Variants in MEI4 observed in about 807,000 individuals in gnomAD.
MEI4 encodes meiotic double-stranded break formation protein 4, also known as meiosis-specific protein MEI4.
MEI4 carries 27 observed loss-of-function variants against 31.4 expected under a neutral mutation model. The observed-to-expected ratio is 0.86, with a 90% CI of 0.63 to 1.19. MEI4 has a LOEUF of 1.19. Among genes scored for constraint, MEI4 ranks in the 50% most tolerant of loss-of-function variants. The probability of loss-of-function intolerance (pLI) is 0.00; values close to 1 mark genes in which losing one functional copy is unlikely to be tolerated. For missense variants in MEI4, 329 were observed against 398.9 expected, an observed-to-expected ratio of 0.82 and a Z score of 1.49; for synonymous variants, 122 against 145.4, an observed-to-expected ratio of 0.84 and a Z score of 1.16.
At chr6:77,735,858 G>C (rs551760117) in intron 2 of MEI4, among the ~76,000 whole-genome samples, 26 of 152,108 alleles carry the variant, frequency 1.7e-4, no homozygotes, top group African/African-American at 5.8e-4. Flanking sequence ...TAACAGACAG[G>C]ACCCTCAGCT....
intron 4 of MEI4, among the ~76,000 whole-genome samples, chr6:77,841,684 C>T (rs1314647175): frequency 6.6e-6 from 1 of 151,444 alleles, no homozygotes. Context: ...ATAATAAAGA[C>T]CTTTAACAAA....
intron 2 of MEI4, among the ~76,000 whole-genome samples, chr6:77,751,869 A>C (rs1188353655): frequency 6.6e-6 from 1 of 152,188 alleles, no homozygotes; most frequent in Non-Finnish European, 1.5e-5. Flanking sequence ...AATCCTCAAT[A>C]AAATACTGGC....
intron 1 of MEI4, among the ~76,000 whole-genome samples, chr6:77,670,096 G>A (rs1161852446): frequency 1.3e-5 from 2 of 152,076 alleles, no homozygotes; most frequent in African/African-American, 4.8e-5. Context: ...CCCTTTCATT[G>A]TTGGACAGCT....
chr6:77,909,131 A>C (rs1766370371), intron 4 of MEI4, among the ~76,000 whole-genome samples: 1 of 152,154 alleles, frequency 6.6e-6, no homozygotes, highest in South Asian at 2.1e-4. Context: ...AATGTAAAAG[A>C]ACAGAAATTA....
chr6:77,855,320 G>A (rs1205391903), intron 4 of MEI4, among the ~76,000 whole-genome samples: 6 of 152,028 alleles, frequency 3.9e-5, no homozygotes, highest in Admixed American at 3.9e-4. Flanking sequence ...ACTCCAGCCG[G>A]GGCAACACAG....
rs541067360 is a variant in MEI4 at position 77,685,847 on chromosome 6, A to G, written c.-14-4811A>G. On this transcript the variant is annotated intron_variant, in intron 1 of 4. Coordinates refer to ENST00000684080, the MANE Select transcript of MEI4 (RefSeq NM_001322247.2). ...GATAGTTTCCTGTCTTATATGTCTTATAATGTTTATTGTGACAGTTTGGGA... is the reference window on the plus strand; with the variant it reads ...GATAGTTTCCTGTCTTATATGTCTTGTAATGTTTATTGTGACAGTTTGGGA... Among the ~76,000 whole-genome samples the G allele has an allele frequency of 2.0e-5, 3 of 152,264 alleles. No homozygotes were observed. The East Asian group carries it at 5.8e-4, about 29-fold the overall frequency.
At position 77,857,702 on chromosome 6, in the gene MEI4, C is replaced by T. The variant is rs186411237; in HGVS notation, c.900+28640C>T. On this transcript the variant is annotated intron_variant, in intron 4 of 4. Transcript: ENST00000684080. Reference sequence around the variant, plus strand: ...TTTGTTAGGCTGAGTTGCATGAATTCCTTTAACAGAGTGTAGAATCAGAAT... The same window carrying T: ...TTTGTTAGGCTGAGTTGCATGAATTTCTTTAACAGAGTGTAGAATCAGAAT... Among the ~76,000 whole-genome samples, 680 of 152,258 alleles carry T rather than the reference C, an allele frequency of 4.5e-3. 6 individuals are homozygous for T. Among genetic ancestry groups the T allele is most frequent in the Middle Eastern group, 0.014 (4 of 294 alleles).
intron 4 of MEI4, among the ~76,000 whole-genome samples, chr6:77,885,267 C>T (rs1390165367): frequency 1.3e-5 from 2 of 151,770 alleles, no homozygotes; most frequent in African/African-American, 2.4e-5. Context: ...CTCACTGCAG[C>T]CTCAACCTTC....
intron 3 of MEI4, among the ~76,000 whole-genome samples, chr6:77,800,764 C>T (rs1582160031): frequency 6.6e-6 from 1 of 152,208 alleles, no homozygotes; most frequent in African/African-American, 2.4e-5. Context: ...TGGTTTTTTT[C>T]ATTGGTTCTG....
At chr6:77,917,869 T>C (rs1474344026) in intron 4 of MEI4, among the ~76,000 whole-genome samples, 3 of 148,020 alleles carry the variant, frequency 2.0e-5, no homozygotes, top group African/African-American at 2.5e-5. Flanking sequence ...TGGTAATGCC[T>C]AGGTTTTCTT....
intron 4 of MEI4, among the ~76,000 whole-genome samples, chr6:77,909,521 C>G (rs1036499344): frequency 5.9e-5 from 9 of 152,144 alleles, no homozygotes; most frequent in Non-Finnish European, 1.2e-4. Flanking sequence ...GAAGTTGAAT[C>G]TCTGAATAGA....
At chr6:77,751,487 C>A (rs565474357) in intron 2 of MEI4, among the ~76,000 whole-genome samples, 1 of 152,014 alleles carries the variant, frequency 6.6e-6, no homozygotes, top group East Asian at 1.9e-4. Context: ...GAATTTGCAA[C>A]CTCTATGCAA....
chr6:77,855,380 C>A (rs994179603), intron 4 of MEI4, among the ~76,000 whole-genome samples: 2 of 151,916 alleles, frequency 1.3e-5, no homozygotes, highest in Non-Finnish European at 2.9e-5. Flanking sequence ...TTAAACATTA[C>A]AAACCTCCCT....
chr6:77,878,191 A>C (rs1392609192), intron 4 of MEI4, among the ~76,000 whole-genome samples: 1 of 151,296 alleles, frequency 6.6e-6, no homozygotes, highest in East Asian at 1.9e-4. Flanking sequence ...TTCTATTTGG[A>C]TCAGATAAAA....
intron 3 of MEI4, among the ~76,000 whole-genome samples, chr6:77,770,157 C>T (rs536025751): frequency 3.6e-4 from 54 of 152,070 alleles, no homozygotes; most frequent in Non-Finnish European, 7.4e-4. Context: ...ACCAATACCT[C>T]AGAAATTCAA....
At chr6:77,750,129 A>G (rs905512850) in intron 2 of MEI4, among the ~76,000 whole-genome samples, 3 of 152,208 alleles carry the variant, frequency 2.0e-5, no homozygotes, top group Non-Finnish European at 4.4e-5. Flanking sequence ...AGCGCTAAAC[A>G]TGGAAAGGAA....
At chr6:77,671,001 G>A (rs1768728039) in intron 1 of MEI4, among the ~76,000 whole-genome samples, 1 of 149,838 alleles carries the variant, frequency 6.7e-6, no homozygotes, top group African/African-American at 2.5e-5. Context: ...ACAATAAAGT[G>A]CTTTTCCTTT....
chr6:77,854,055 C>T (rs1000815486), intron 4 of MEI4, among the ~76,000 whole-genome samples: 5 of 152,078 alleles, frequency 3.3e-5, no homozygotes, highest in African/African-American at 1.2e-4. Context: ...TGACCATGAG[C>T]TTCCTTTTTA....
intron 1 of MEI4, among the ~76,000 whole-genome samples, chr6:77,685,233 T>A (rs1374961873): frequency 6.6e-6 from 1 of 152,128 alleles, no homozygotes; most frequent in African/African-American, 2.4e-5. Flanking sequence ...TTTGAGCTCC[T>A]TATATATTCT....
Sources: allele counts gnomAD v4.1 joint callset (sites outside exome capture counted in the v4.1 genomes callset), GRCh38; gene constraint gnomAD v4.1.1; transcripts MANE v1.5; gene names NCBI Gene and HGNC (gene_info 2026-07-23, HGNC 2026-07-21).